Variants in CTNNA2 observed in about 807,000 individuals in gnomAD.
CTNNA2 encodes the protein catenin alpha 2.
In CTNNA2, 42 loss-of-function variants were observed where a neutral mutation model predicts 101.0. That is an observed-to-expected ratio of 0.42 (90% confidence interval 0.32 to 0.54). CTNNA2 has a LOEUF of 0.54. Ranked by LOEUF, CTNNA2 falls within the 20% of genes least tolerant of loss-of-function variation. CTNNA2 has a pLI of 0.14. For synonymous variants in CTNNA2, 450 were observed against 456.4 expected (o/e 0.99, Z 0.18); for missense variants, 871 against 1,223.1 (o/e 0.71, Z 4.29).
chr2:80,513,448 CTT>C (rs1488810927), intron 9 of CTNNA2, among the ~76,000 whole-genome samples: 1 of 152,196 alleles, frequency 6.6e-6, no homozygotes, highest in Non-Finnish European at 1.5e-5. Flanking sequence ...GACAAACACT[CTT>C]ATTGGATACC....
intron 7 of CTNNA2, among the ~76,000 whole-genome samples, chr2:80,043,202 C>T (rs1232421960): frequency 9.9e-6 from 1 of 101,170 alleles, no homozygotes; most frequent in Non-Finnish European, 2.0e-5. Flanking sequence ...TTCTTTCTCT[C>T]TCTCTTTTTT....
intron 7 of CTNNA2, among the ~76,000 whole-genome samples, chr2:80,139,953 T>A (rs953357094): frequency 5.3e-5 from 8 of 152,184 alleles, no homozygotes; most frequent in Middle Eastern, 3.2e-3. Context: ...AATCAACTCT[T>A]CTCACTGGGG....
intron 9 of CTNNA2, among the ~76,000 whole-genome samples, chr2:80,508,329 T>A (rs963675249): frequency 2.6e-5 from 4 of 151,904 alleles, no homozygotes; most frequent in East Asian, 1.9e-4. Flanking sequence ...ATAATAATTT[T>A]AAAAAATTAG....
rs113465820 is a variant in CTNNA2, at chr2:79,323,558, C to A, written c.-318+10762C>A. Among the ~76,000 whole-genome samples, 1,079 of 152,196 alleles carry A rather than the reference C, an allele frequency of 7.1e-3. 15 individuals are homozygous for A. The highest frequency in any genetic ancestry group is 0.024 in the African/African-American group (996 of 41,530). ...AAAAATAGAACAAAGTAAAACAAAA[C>A]AAACAAAAAAAACAGATCCACAATT... On this transcript the variant is annotated intron_variant, in intron 3 of 21. Coordinates refer to the CTNNA2 transcript ENST00000466387.
intron 2 of CTNNA2, among the ~76,000 whole-genome samples, chr2:79,684,334 T>C: frequency 6.6e-6 from 1 of 152,220 alleles, no homozygotes; most frequent in East Asian, 1.9e-4. Context: ...TCTACATAGC[T>C]ATTAAAATAA....
intron 9 of CTNNA2, among the ~76,000 whole-genome samples, chr2:80,427,040 A>G (rs1011957293): frequency 1.3e-5 from 2 of 152,058 alleles, no homozygotes; most frequent in Non-Finnish European, 2.9e-5. Context: ...TTCCTTTAGG[A>G]AAGAGATCAG....
At chr2:80,501,672 G>A (rs139087805) in intron 9 of CTNNA2, among the ~76,000 whole-genome samples, 65 of 152,280 alleles carry the variant, frequency 4.3e-4, no homozygotes, top group Middle Eastern at 3.4e-3. Flanking sequence ...ATGAATGTGC[G>A]TTCAGGAGGA....
At chr2:79,472,061 A>T (rs1222047840) in intron 4 of CTNNA2, among the ~76,000 whole-genome samples, 1 of 152,182 alleles carries the variant, frequency 6.6e-6, no homozygotes, top group Non-Finnish European at 1.5e-5. Flanking sequence ...GTGACACCCC[A>T]TGTCTAATTC....
At chr2:80,613,621 A>T (rs1698633648) in intron 17 of CTNNA2, among the ~76,000 whole-genome samples, 1 of 151,372 alleles carries the variant, frequency 6.6e-6, no homozygotes, top group African/African-American at 2.4e-5. Flanking sequence ...ATAATCAGTT[A>T]TGGCCATTAA....
At chr2:79,330,313 T>C (rs1362576556) in intron 3 of CTNNA2, among the ~76,000 whole-genome samples, 2 of 152,154 alleles carry the variant, frequency 1.3e-5, no homozygotes, top group African/African-American at 4.8e-5. Flanking sequence ...ACAAAGCAAG[T>C]TCAAGACTCA....
chr2:80,556,740 A>G (rs1051964143), intron 12 of CTNNA2, among the ~76,000 whole-genome samples: 2 of 152,206 alleles, frequency 1.3e-5, no homozygotes, highest in Non-Finnish European at 2.9e-5. Context: ...AGTCCAAGGA[A>G]TGAGAGGAAA....
chr2:79,484,612 G>A (rs111711997), intron 4 of CTNNA2, among the ~76,000 whole-genome samples: 2 of 152,144 alleles, frequency 1.3e-5, no homozygotes, highest in Admixed American at 6.6e-5. Flanking sequence ...CTGCAAGGGC[G>A]AGGTGCTTGA....
intron 7 of CTNNA2, among the ~76,000 whole-genome samples, chr2:79,930,729 T>G (rs1283816924): frequency 6.6e-6 from 1 of 152,240 alleles, no homozygotes; most frequent in African/African-American, 2.4e-5. Flanking sequence ...ATGAAGTCAT[T>G]CCTAATGTGA....
At chr2:80,076,527 C>G (rs1436302142) in intron 7 of CTNNA2, among the ~76,000 whole-genome samples, 2 of 152,004 alleles carry the variant, frequency 1.3e-5, no homozygotes. Flanking sequence ...AAGCGATCCT[C>G]CTGCCTTGGC....
chr2:79,372,703 A>T (rs1316176414), intron 3 of CTNNA2, among the ~76,000 whole-genome samples: 1 of 152,210 alleles, frequency 6.6e-6, no homozygotes, highest in Non-Finnish European at 1.5e-5. Flanking sequence ...CAGAATACAA[A>T]GACATTCAAC....
intron 2 of CTNNA2, among the ~76,000 whole-genome samples, chr2:79,694,585 G>T (rs13027289): frequency 2.0e-5 from 3 of 151,376 alleles, no homozygotes; most frequent in African/African-American, 4.9e-5. Context: ...TTTGAATAGA[G>T]GATGTCAGGG....
chr2:80,213,478 AG>A (rs1708043341), intron 7 of CTNNA2, among the ~76,000 whole-genome samples: 1 of 152,230 alleles, frequency 6.6e-6, no homozygotes, highest in South Asian at 2.1e-4. Flanking sequence ...TGTACCCAGT[AG>A]TCATTCAGGA....
At chr2:79,987,856 C>T (rs977952040) in intron 7 of CTNNA2, among the ~76,000 whole-genome samples, 26 of 152,164 alleles carry the variant, frequency 1.7e-4, no homozygotes, top group Admixed American at 4.6e-4. Flanking sequence ...GTAATTCTTA[C>T]GTTGTTTTCA....
intron 3 of CTNNA2, among the ~76,000 whole-genome samples, chr2:79,343,756 T>G (rs187832044): frequency 3.1e-3 from 377 of 122,756 alleles, no homozygotes; most frequent in Non-Finnish European, 5.5e-3. Context: ...TTATTATTAT[T>G]ATTTGCTACA....
Sources: allele counts gnomAD v4.1 joint callset (sites outside exome capture counted in the v4.1 genomes callset), GRCh38; gene constraint gnomAD v4.1.1; transcripts MANE v1.5; gene names NCBI Gene and HGNC (gene_info 2026-07-23, HGNC 2026-07-21).